The following LRRC74B variants were observed in gnomAD, a reference collection of about 807,000 sequenced individuals.
LRRC74B encodes the protein leucine-rich repeat-containing protein 74B.
In LRRC74B, 30 loss-of-function variants were observed where a neutral mutation model predicts 16.6. The observed-to-expected ratio is 1.80, with a 90% CI of 1.35 to 2.45. The LOEUF (loss-of-function observed/expected upper bound fraction) is 2.45. Ranked by LOEUF, LRRC74B falls within the 30% of genes most tolerant of loss-of-function variation. LRRC74B has a pLI of 0.00. For missense variants in LRRC74B, 326 were observed against 202.4 expected (o/e 1.61, Z -3.71); for synonymous variants, 134 against 86.0 (o/e 1.56, Z -3.09).
At chr22:21,046,197 G>C in intron 1 of LRRC74B, 72 bp downstream of exon 1, 2 of 700,570 alleles carry the variant, frequency 2.9e-6, no homozygotes, top group South Asian at 3.0e-5. Context: ...GGGGGAGGCG[G>C]GCTGGGGCTA....
intron 1 of LRRC74B, among the ~76,000 whole-genome samples, chr22:21,046,677 G>A (rs1929466372): frequency 1.3e-5 from 2 of 151,882 alleles, no homozygotes; most frequent in African/African-American, 2.4e-5. Context: ...CTGTCACCCG[G>A]GCGTCAGTGC....
At chr22:21,049,121 C>T (rs1263206371) in exon 4 of LRRC74B, 1 of 716,202 alleles carries the variant, frequency 1.4e-6, no homozygotes, top group East Asian at 2.7e-5. Context: ...CCTGAAGTCC[C>T]TGGACCTGAG....
intron 4 of LRRC74B, among the ~76,000 whole-genome samples, chr22:21,050,654 T>C (rs900452223): frequency 6.6e-6 from 1 of 151,582 alleles, no homozygotes; most frequent in African/African-American, 2.4e-5. Flanking sequence ...GGCAGGCGCC[T>C]GTAGTCCCAG....
chr22:21,050,028 G>A (rs1324970323), intron 4 of LRRC74B, among the ~76,000 whole-genome samples: 6 of 152,030 alleles, frequency 3.9e-5, no homozygotes, highest in East Asian at 1.9e-4. Context: ...TGCCCCAGGA[G>A]AATCGTCTTT....
intron 4 of LRRC74B, among the ~76,000 whole-genome samples, chr22:21,050,979 T>C (rs1340992490): frequency 9.0e-5 from 2 of 22,118 alleles, no homozygotes; most frequent in African/African-American, 4.8e-4. Context: ...AGACTCCGTC[T>C]CAAAAAAAAA....
chr22:21,060,113 T>A (rs929683998), intron 8 of LRRC74B, among the ~76,000 whole-genome samples: 2 of 152,096 alleles, frequency 1.3e-5, no homozygotes, highest in African/African-American at 4.8e-5. Flanking sequence ...AGGGATGAAG[T>A]GAGCTATGAT....
At position 21,054,703 on chromosome 22, in the gene LRRC74B, C is replaced by T. The variant is rs528030433; in HGVS notation, c.849-395C>T. Among the ~76,000 whole-genome samples the T allele has an allele frequency of 7.2e-5, 11 of 152,278 alleles. No individual in the cohort carries two copies. In the East Asian group the frequency reaches 1.5e-3, roughly 21 times the overall value. On this transcript the variant is annotated intron_variant, in intron 6 of 8. Transcript: ENST00000442047. ...ACTCCGGAGACAAAGTGGTCCAGGG[C>T]GGTGCTGAGGACTGGAGTTTGGGAA...
rs557272157 is a variant in LRRC74B, at chr22:21,051,724, C to G, written c.623-525C>G. Among the ~76,000 whole-genome samples the G allele has an allele frequency of 1.1e-4, 16 of 152,332 alleles. No homozygotes were observed. The East Asian group carries it at 2.5e-3, about 24-fold the overall frequency. ...GCCCCTTGGCTTGGCACACAAGGCCCCTCAGCATCTCTCAAGTGCCCATTA... is the reference window on the plus strand; with the variant it reads ...GCCCCTTGGCTTGGCACACAAGGCCGCTCAGCATCTCTCAAGTGCCCATTA... On this transcript the variant is annotated intron_variant, in intron 4 of 8. Coordinates refer to ENST00000442047, the Ensembl canonical transcript of LRRC74B.
At chr22:21,062,885 G>T (rs1233882222), downstream of LRRC74B, 1 of 151,942 alleles carries the variant, frequency 6.6e-6, no homozygotes, top group Non-Finnish European at 1.5e-5. Context: ...TTAAAAATTA[G>T]CTGGGCATGG....
intron 4 of LRRC74B, among the ~76,000 whole-genome samples, chr22:21,051,375 C>T (rs574798388): frequency 6.6e-6 from 1 of 152,090 alleles, no homozygotes; most frequent in Non-Finnish European, 1.5e-5. Flanking sequence ...CGCTATTTTG[C>T]CCAGGCTGGT....
At chr22:21,061,841 A>G (rs912998192), downstream of LRRC74B, 4 of 152,138 alleles carry the variant, frequency 2.6e-5, no homozygotes, top group Non-Finnish European at 5.9e-5. Context: ...GATAAATGCA[A>G]TGTGGTATAT....
At chr22:21,053,038 T>C (rs1163386259) in intron 5 of LRRC74B, among the ~76,000 whole-genome samples, 14 of 152,152 alleles carry the variant, frequency 9.2e-5, no homozygotes, top group Admixed American at 9.2e-4. Context: ...AGCCATTAAG[T>C]GGGTGTGGAG....
chr22:21,047,884 G>A (rs1176347925), exon 3 of LRRC74B: 1 of 717,202 alleles, frequency 1.4e-6, no homozygotes, highest in Non-Finnish European at 2.6e-6. Context: ...TCTGTCCCAG[G>A]GCGCCCGGGC....
intron 8 of LRRC74B, among the ~76,000 whole-genome samples, 160 bp from the exon 9 acceptor site, chr22:21,060,213 C>T (rs1344979892): frequency 6.6e-6 from 1 of 151,968 alleles, no homozygotes; most frequent in Non-Finnish European, 1.5e-5. Context: ...CCCATTGTCC[C>T]CTTCTCTCCT....
At chr22:21,054,678 A>G (rs1196594166) in intron 6 of LRRC74B, among the ~76,000 whole-genome samples, 1 of 152,098 alleles carries the variant, frequency 6.6e-6, no homozygotes, top group Non-Finnish European at 1.5e-5. Flanking sequence ...AGCGGGACTG[A>G]CTCCGGAGAC....
At chr22:21,061,114 G>A (rs561648758), downstream of LRRC74B, among the ~76,000 whole-genome samples, 42 of 152,262 alleles carry the variant, frequency 2.8e-4, no homozygotes, top group Admixed American at 4.6e-4. Context: ...GATCCCTTGA[G>A]GTCAGGAGTT....
At chr22:21,051,564 G>T (rs571755556) in intron 4 of LRRC74B, among the ~76,000 whole-genome samples, 4 of 151,922 alleles carry the variant, frequency 2.6e-5, no homozygotes, top group Non-Finnish European at 4.4e-5. Context: ...CTTCCATCTG[G>T]TCCCCCAGCC....
downstream of LRRC74B, chr22:21,063,901 A>G (rs372236): frequency 0.77 from 116,723 of 152,474 alleles, 45,693 homozygotes; most frequent in African/African-American, 0.85. Flanking sequence ...CTGGAGCCCG[A>G]GAGGTGGAGG....
chr22:21,055,937 T>TG (rs1192620726), intron 7 of LRRC74B, among the ~76,000 whole-genome samples: 2 of 152,130 alleles, frequency 1.3e-5, no homozygotes, highest in East Asian at 1.9e-4. Context: ...CACCTCCTGG[T>TG]GGGGGGCTCC....
Sources: gnomAD v4.1 joint callset for allele counts (sites outside exome capture counted in the v4.1 genomes callset) on GRCh38, gnomAD v4.1.1 for gene constraint, MANE v1.5 for transcripts, NCBI Gene and HGNC (gene_info 2026-07-23, HGNC 2026-07-21) for gene names.